GALK2: variants seen among roughly 807,000 people sequenced by gnomAD.
GALK2 encodes N-acetylgalactosamine kinase.
A neutral mutation model predicts 52.4 loss-of-function variants in GALK2; 36 were observed. The observed-to-expected ratio is 0.69, with a 90% CI of 0.53 to 0.91. The LOEUF is 0.91. Ranked by LOEUF, GALK2 falls within the 40% of genes least tolerant of loss-of-function variation. The pLI is 0.00. For synonymous variants in GALK2, 176 were observed against 199.1 expected (o/e 0.88, Z 0.98); for missense variants, 579 against 559.1 (o/e 1.04, Z -0.36).
intron 1 of GALK2, among the ~76,000 whole-genome samples, chr15:49,192,310 C>A (rs2141263886): frequency 6.6e-6 from 1 of 151,682 alleles, no homozygotes; most frequent in Middle Eastern, 3.4e-3. Flanking sequence ...CATAGTATTT[C>A]TGGAAGTCGC....
At chr15:49,339,263 T>C (rs1474261489) in intron 3 of GALK2, among the ~76,000 whole-genome samples, 11 of 152,222 alleles carry the variant, frequency 7.2e-5, no homozygotes, top group Non-Finnish European at 1.2e-4. Flanking sequence ...CCCATCTTCA[T>C]GGATTTATGT....
intron 3 of GALK2, among the ~76,000 whole-genome samples, chr15:49,234,407 T>C (rs2090675850): frequency 2.0e-5 from 3 of 152,208 alleles, no homozygotes; most frequent in Non-Finnish European, 4.4e-5. Flanking sequence ...ACCATAAAGA[T>C]GCTATATTTC....
chr15:49,365,129 T>C lies in GALK2; in HGVS notation c.427-2362T>C, dbSNP rs544206433. The stretch of plus-strand genomic sequence containing the variant: ...TAGCAGTTCCACATAATATTATTGC[T>C]GGACAATCTGTTCACCAGACATCAC... On this transcript the variant is annotated intron_variant, in intron 3 of 3. Coordinates refer to the GALK2 transcript ENST00000558399. 6.7e-5 allele frequency: 48 copies of C among 720,472 alleles called. No individual in the cohort carries two copies. In the Admixed American group the frequency reaches 1.0e-3, roughly 15 times the overall value. 44.6% of individuals were successfully genotyped at this position (720,472 alleles called of 1,614,324 possible). A position where few individuals can be genotyped will look rare whatever the true frequency, so the allele number is the denominator to read the frequency against.
At chr15:49,339,441 T>G (rs1334143400) in intron 3 of GALK2, among the ~76,000 whole-genome samples, 1 of 152,180 alleles carries the variant, frequency 6.6e-6, no homozygotes, top group East Asian at 1.9e-4. Context: ...TGCCTGGGTA[T>G]CACTGGCAGA....
intron 2 of GALK2, among the ~76,000 whole-genome samples, chr15:49,206,186 C>G (rs1042409821): frequency 6.6e-6 from 1 of 151,862 alleles, no homozygotes; most frequent in Admixed American, 6.6e-5. Flanking sequence ...AGATTTGTTT[C>G]TTTTTGCTTA....
At chr15:49,319,011 C>T (rs939985328) in intron 8 of GALK2, 3 of 438,654 alleles carry the variant, frequency 6.8e-6, no homozygotes, top group East Asian at 7.0e-5. Flanking sequence ...AGTGCAACGG[C>T]GTGATCTCAG....
Position 49,291,275 on chromosome 15 carries a change from C to A in GALK2, c.757-1052C>A, listed in dbSNP as rs534879487. On this transcript the variant is annotated intron_variant, in intron 7 of 9. Coordinates refer to ENST00000560031, the MANE Select transcript of GALK2 (RefSeq NM_002044.4). ...CAGTTTGGCCTTAAAATCATTAACTCATTTCAAATATACGAGCCAGGGTTT... is the reference window on the plus strand; with the variant it reads ...CAGTTTGGCCTTAAAATCATTAACTAATTTCAAATATACGAGCCAGGGTTT... Among the ~76,000 whole-genome samples, 39 of 152,080 alleles carry A rather than the reference C, an allele frequency of 2.6e-4. No homozygotes were observed. The South Asian group carries it at 7.5e-3, about 29-fold the overall frequency.
At chr15:49,306,954 C>T (rs2035594168) in intron 8 of GALK2, among the ~76,000 whole-genome samples, 1 of 152,152 alleles carries the variant, frequency 6.6e-6, no homozygotes, top group Admixed American at 6.6e-5. Flanking sequence ...TATTAGGTTC[C>T]AAGGGGGCTA....
At chr15:49,266,007 G>T (rs1251678271) in intron 5 of GALK2, among the ~76,000 whole-genome samples, 1 of 152,176 alleles carries the variant, frequency 6.6e-6, no homozygotes, top group African/African-American at 2.4e-5. Context: ...CCACCACTTG[G>T]ACTGGGTTCA....
chr15:49,340,403 GCC>G (rs373386438), intron 3 of GALK2, among the ~76,000 whole-genome samples: 33 of 94,476 alleles, frequency 3.5e-4, no homozygotes, highest in South Asian at 2.2e-3. Context: ...GCAGTGCCCC[GCC>G]CCCCCCCTCC....
chr15:49,239,248 GGAA>G lies in GALK2; in HGVS notation c.386_388del (p.Gly129_Met130delinsVal). The G allele has an allele frequency of 1.2e-6, 2 of 1,614,016 alleles. No individual in the cohort carries two copies. The highest frequency in any genetic ancestry group is 8.5e-7 in the Non-Finnish European group (1 of 1,179,920). On this transcript the variant is annotated inframe_deletion, in exon 5 of 10. Transcript: ENST00000560031. ...ACACTTTGGTCTTAGTAACCTGACT[GGAA>G]TGAACTGCCTGGTAGATGGAAATAT...
intron 3 of GALK2, among the ~76,000 whole-genome samples, chr15:49,366,925 C>G (rs1195570816): frequency 6.6e-6 from 1 of 152,164 alleles, no homozygotes; most frequent in Non-Finnish European, 1.5e-5. Flanking sequence ...GAAGATAGGA[C>G]TGTAAAAAAC....
intron 4 of GALK2, 121 bp downstream of exon 4, chr15:49,236,062 T>G: frequency 5.9e-6 from 4 of 678,360 alleles, no homozygotes; most frequent in Non-Finnish European, 1.0e-5. Flanking sequence ...TTCTGTTCTA[T>G]TTTGCTAGTT....
At chr15:49,212,513 C>G (rs1200088252) in intron 2 of GALK2, among the ~76,000 whole-genome samples, 1 of 151,894 alleles carries the variant, frequency 6.6e-6, no homozygotes. Context: ...CTTATTTTTG[C>G]TCTGATCCGA....
chr15:49,313,048 A>G (rs2036124636), intron 8 of GALK2, among the ~76,000 whole-genome samples: 1 of 152,232 alleles, frequency 6.6e-6, no homozygotes, highest in Non-Finnish European at 1.5e-5. Flanking sequence ...CATATAAACT[A>G]GTGAGGCAGG....
chr15:49,191,505 C>T (rs189653289), intron 1 of GALK2, among the ~76,000 whole-genome samples: 6 of 152,176 alleles, frequency 3.9e-5, no homozygotes, highest in Admixed American at 2.0e-4. Flanking sequence ...GAAATTTCTC[C>T]CTTAATGAGT....
At chr15:49,231,331 G>T (rs1048170199) in intron 3 of GALK2, among the ~76,000 whole-genome samples, 3 of 152,124 alleles carry the variant, frequency 2.0e-5, no homozygotes, top group Non-Finnish European at 4.4e-5. Flanking sequence ...CACGAGAAGA[G>T]TACCAAAGGG....
At chr15:49,308,971 C>T (rs938266460) in intron 8 of GALK2, among the ~76,000 whole-genome samples, 20 of 152,214 alleles carry the variant, frequency 1.3e-4, no homozygotes, top group African/African-American at 3.9e-4. Flanking sequence ...GAAGGTCTTG[C>T]ATTCTATGGT....
intron 3 of GALK2, among the ~76,000 whole-genome samples, chr15:49,228,688 T>TGTA: frequency 9.6e-5 from 1 of 10,444 alleles, no homozygotes; most frequent in East Asian, 2.3e-3. Flanking sequence ...TATATATATA[T>TGTA]TTTTTTTTTT....
Sources: allele counts gnomAD v4.1 joint callset (sites outside exome capture counted in the v4.1 genomes callset), GRCh38; gene constraint gnomAD v4.1.1; transcripts MANE v1.5; gene names NCBI Gene and HGNC (gene_info 2026-07-23, HGNC 2026-07-21).